Variants in POLG observed in about 807,000 individuals in gnomAD.
POLG encodes the protein DNA polymerase gamma, catalytic subunit, also known as DNA polymerase subunit gamma-1.
Under a neutral mutation model 155.4 loss-of-function variants are expected in POLG, and 110 were observed. The ratio of observed to expected loss-of-function variants is 0.71; its 90% CI spans 0.61 to 0.83. POLG has a LOEUF of 0.83. Among genes scored for constraint, POLG ranks in the 40% least tolerant of loss-of-function variants. POLG has a pLI of 0.00. For synonymous variants in POLG, 701 were observed against 631.5 expected (o/e 1.11, Z -1.65); for missense variants, 1,685 against 1,627.5 (o/e 1.04, Z -0.61).
rs758732734 is a variant in POLG, at chr15:89,328,655, A to T, written c.1170+30T>A. 6.8e-6 allele frequency: 11 copies of T among 1,613,734 alleles called. No individual in the cohort carries two copies. In the Admixed American group the frequency reaches 1.8e-4, roughly 27 times the overall value. Reference sequence around the variant, plus strand: ...TGCAGCTAGGGGTGTGCCACAGCCCATGTCCCCAGAGCCCCCTCCAGCACC... The same window carrying T: ...TGCAGCTAGGGGTGTGCCACAGCCCTTGTCCCCAGAGCCCCCTCCAGCACC... On this transcript the variant is annotated intron_variant, in intron 5 of 22. Coordinates refer to ENST00000268124, the MANE Select transcript of POLG (RefSeq NM_002693.3).
intron 22 of POLG, 83 bp downstream of exon 22, chr15:89,317,293 C>A (rs1170136374): frequency 7.7e-6 from 11 of 1,427,054 alleles, no homozygotes; most frequent in Non-Finnish European, 9.9e-6. Context: ...TCTCTGGGGC[C>A]CCAAGTTTCC....
intron 2 of POLG, 94 bp from the exon 3 acceptor site, chr15:89,330,370 G>A: frequency 3.1e-6 from 3 of 974,042 alleles, no homozygotes; most frequent in Non-Finnish European, 3.2e-6. Flanking sequence ...ATGCCAGATG[G>A]TGCATTGGCA....
rs2152068136 is a variant in POLG, at chr15:89,329,016, T to C, written c.950A>G (p.Gln317Arg). The part of the protein sequence containing the change: ...FQRSLWIAAK[Q>R]GKHKVQPPTK... The stretch of plus-strand genomic sequence containing the variant: ...GGGGGGCTGGACCTTGTGTTTGCCC[T>C]GCTTGGCTGCTATCCACAGACTGCG... The change falls in exon 4 of 23, where the codon CAG (glutamine) becomes CGG (arginine). Residue 317 changes from glutamine to arginine, a missense_variant. By Grantham distance (43) the Gln-to-Arg change is conservative (BLOSUM62 1). This residue lies in a region of POLG where 1,210 missense variants were observed against 1,167.1 expected (regional missense o/e 1.04). Coordinates refer to ENST00000268124, the MANE Select transcript of POLG (RefSeq NM_002693.3). The C allele has an allele frequency of 6.2e-7, 1 of 1,613,464 alleles. No individual in the cohort carries two copies. The highest frequency in any genetic ancestry group is 1.1e-5 in the South Asian group (1 of 91,054).
At chr15:89,325,053 T>A (rs12903550) in intron 10 of POLG, among the ~76,000 whole-genome samples, 2,302 of 87,498 alleles carry the variant, frequency 0.026, 353 homozygotes, top group African/African-American at 0.09. Flanking sequence ...AGTGAGTGAG[T>A]GAGAGAGTGA....
At chr15:89,326,361 A>G (rs2055517029) in intron 9 of POLG, among the ~76,000 whole-genome samples, 2 of 152,248 alleles carry the variant, frequency 1.3e-5, no homozygotes, top group Non-Finnish European at 2.9e-5. Context: ...GCTATGCTCC[A>G]GTGTGTACAC....
Position 89,333,409 on chromosome 15 carries a change from G to C in POLG, c.346C>G (p.Pro116Ala), listed in dbSNP as rs771676521. Residue 116 changes from proline (P) to alanine (A), a missense_variant, in exon 2 of 23, where the codon CCA (proline) becomes GCA (alanine). Pro to Ala is a conservative substitution (Grantham distance 27, BLOSUM62 -1). Around this residue, in one of 3 missense-constraint regions of POLG, gnomAD observed 1,210 missense variants for 1,167.1 expected, o/e 1.04. Transcript: ENST00000268124. ...HLQKHGLWGQ[P>A]AVPLPDVELR... ...TCCACGTCGGGCAAGGGCACGGCTG[G>C]CTGCCCCCAGAGCCCGTGCTTCTGC... 6.2e-7 allele frequency: 1 copy of C among 1,604,396 alleles called. No individual in the cohort carries two copies. Among genetic ancestry groups the C allele is most frequent in the Non-Finnish European group, 8.5e-7 (1 of 1,178,352 alleles).
intron 18 of POLG, 174 bp from the exon 19 acceptor site, chr15:89,319,524 C>G: frequency 3.5e-6 from 3 of 849,406 alleles, no homozygotes; most frequent in South Asian, 3.2e-5. Flanking sequence ...AGTGCCTTGC[C>G]TAGGATCATG....
Position 89,333,624 on chromosome 15 carries a change from T to TGCC in POLG, c.130_131insGGC (p.Gln43_Gln44insArg), listed in dbSNP as rs1555454345. On this transcript the variant is annotated inframe_insertion, in exon 2 of 23. Coordinates refer to ENST00000268124, the MANE Select transcript of POLG (RefSeq NM_002693.3). ...CTGCTGCTGCTGCTGCTGCTGCTGC[T>TGCC]GCTGCCGCCGCCGCTGCCCGTCGCT... 6 of 1,590,218 alleles carry TGCC rather than the reference T, an allele frequency of 3.8e-6. No individual in the cohort carries two copies. The highest frequency in any genetic ancestry group is 1.7e-4 in the Middle Eastern group (1 of 5,996).
In POLG at chr15:89,333,504, T is replaced by C. The variant is rs770143385; in HGVS notation, c.251A>G (p.His84Arg). The change falls in exon 2 of 23, where the codon CAC (histidine) becomes CGC (arginine). Residue 84 changes from histidine (H) to arginine (R), a missense_variant. Physicochemically the swap from His to Arg is conservative, Grantham distance 29 (BLOSUM62 0). Transcript: ENST00000268124. ...CCCTCCTTGCCCGAAGATTTGCTCG[T>C]GCAGCCCTCTCGAGAGCATCTGGAT... ...LDIQMLSRGL[H>R]EQIFGQGGEM... 3 of 1,612,804 alleles carry C rather than the reference T, an allele frequency of 1.9e-6. 1 individual carries two copies. The South Asian group carries it at 3.3e-5, about 18-fold the overall frequency.
At position 89,325,241 on chromosome 15, in the gene POLG, AGTGAGTGAGAGAGAGAGT is replaced by A. The variant is rs2055491706; in HGVS notation, c.1949+191_1949+208del. ...GAGTGAGAGAGTGAGTGAGAGAGTG[AGTGAGTGAGAGAGAGAGT>A]GAGTGAGTGAGTGAGAGAGAGAGAA... On this transcript the variant is annotated intron_variant, in intron 10 of 22. Coordinates refer to ENST00000268124, the MANE Select transcript of POLG (RefSeq NM_002693.3). 1.9e-5 allele frequency among the ~76,000 whole-genome samples: 2 copies of A among 104,592 alleles called. 1 individual carries two copies. The highest frequency in any genetic ancestry group is 9.3e-5 in the African/African-American group (2 of 21,572). The allele number at this position is 104,592 out of a possible 152,430, so 68.6% of individuals were successfully genotyped here.
chr15:89,331,771 C>T (rs1177036101), intron 2 of POLG, among the ~76,000 whole-genome samples: 1 of 150,250 alleles, frequency 6.7e-6, no homozygotes, highest in Non-Finnish European at 1.5e-5. Flanking sequence ...CCATGTGGCA[C>T]CCACCCCCAC....
chr15:89,334,647 T>G (rs998379923), intron 1 of POLG, 26 bp downstream of exon 1: 1 of 152,480 alleles, frequency 6.6e-6, no homozygotes, highest in Non-Finnish European at 1.5e-5. Flanking sequence ...CGACCCGGCC[T>G]CCCCGCCGCC....
chr15:89,320,790 T>A lies in POLG; in HGVS notation c.2957A>T (p.Tyr986Phe). ...QEAAEKAQQM[Y>F]AATKGLRWYR... ...CCAGCGGAGGCCCTTGGTGGCAGCG[T>A]ACATCTGCTGGGCCTTCTCAGCTGC... is the stretch of plus-strand genomic sequence containing the variant. Residue 986 changes from tyrosine (Y) to phenylalanine (F), a missense_variant, in exon 18 of 23, where the codon TAC (tyrosine) becomes TTC (phenylalanine). By Grantham distance (22) the Tyr-to-Phe change is conservative (BLOSUM62 3). Transcript: ENST00000268124. The A allele has an allele frequency of 6.2e-7, 1 of 1,613,644 alleles. No homozygotes were observed. The highest frequency in any genetic ancestry group is 1.3e-5 in the African/African-American group (1 of 75,046).
At position 89,325,512 on chromosome 15, in the gene POLG, G is replaced by C. The variant is rs886051524; in HGVS notation, c.1887C>G (p.Asp629Glu). ...TACCTGTCGGCAGCTTGGCCAGGTT[G>C]TCCCGCCGCCCAGGCACCAAGTAGC... ...GWGYLVPGRR[D>E]NLAKLPTGTT... is the part of the protein sequence containing the mutation. Residue 629 changes from aspartate (D) to glutamate (E), a missense_variant, in exon 10 of 23, where the codon GAC becomes GAG. By Grantham distance (45) the Asp-to-Glu change is conservative. This residue lies in a region of POLG where 1,210 missense variants were observed against 1,167.1 expected (regional missense o/e 1.04). Coordinates refer to ENST00000268124, the MANE Select transcript of POLG (RefSeq NM_002693.3). The C allele has an allele frequency of 1.9e-6, 3 of 1,611,222 alleles. No individual in the cohort carries two copies. The highest frequency in any genetic ancestry group is 2.5e-6 in the Non-Finnish European group (3 of 1,179,996).
chr15:89,325,253 A>T (rs1282667373), intron 10 of POLG, among the ~76,000 whole-genome samples, 197 bp downstream of exon 10: 5 of 87,218 alleles, frequency 5.7e-5, no homozygotes, highest in African/African-American at 2.6e-4. Flanking sequence ...TGAGTGAGAG[A>T]GAGAGTGAGT....
At chr15:89,333,011 CAG>C in intron 2 of POLG, 83 bp downstream of exon 2, 2 of 1,484,910 alleles carry the variant, frequency 1.3e-6, no homozygotes, top group Non-Finnish European at 1.8e-6. Context: ...CAGCCCGTAA[CAG>C]GACCTCAGAA....
rs369078840 is a variant in POLG, at chr15:89,320,864, A to G, written c.2883T>C (p.Phe961=). ...TAAACTGCATTAGTAAGCGCTCAGC[A>G]AAGGGCTGCCCAGCACCATAGATGC... ...YGRIYGAGQP[F]AERLLMQFNH... The change falls in exon 18 of 23, where the codon TTT becomes TTC. Residue 961 remains phenylalanine (F), a synonymous_variant. Transcript: ENST00000268124. 2.5e-6 allele frequency: 4 copies of G among 1,613,910 alleles called. No individual in the cohort carries two copies. In the African/African-American group the frequency reaches 5.3e-5, roughly 22 times the overall value.
chr15:89,332,269 C>T (rs1316147098), intron 2 of POLG: 2 of 152,124 alleles, frequency 1.3e-5, no homozygotes, highest in Admixed American at 6.5e-5. Context: ...TTTAACATTT[C>T]GCAGCTTTCT....
chr15:89,324,387 A>C, intron 10 of POLG, 160 bp from the exon 11 acceptor site: 1 of 818,282 alleles, frequency 1.2e-6, no homozygotes, highest in Non-Finnish European at 2.0e-6. Context: ...ACAGGGATTG[A>C]TTGACAAACT....
Sources: gnomAD v4.1 joint callset for allele counts (sites outside exome capture counted in the v4.1 genomes callset) on GRCh38, gnomAD v4.1.1 for gene constraint, gnomAD v4.1.1 regional missense constraint, MANE v1.5 for transcripts, NCBI Gene and HGNC (gene_info 2026-07-23, HGNC 2026-07-21) for gene names.